ATP13A3: variants seen among roughly 807,000 people sequenced by gnomAD.
ATP13A3 encodes ATPase 13A3.
In ATP13A3, 59 loss-of-function variants were observed where a neutral mutation model predicts 158.1. That is an observed-to-expected ratio of 0.37 (90% CI 0.30 to 0.46). The LOEUF is 0.46. Among genes scored for constraint, ATP13A3 ranks in the 20% least tolerant of loss-of-function variants. ATP13A3 has a pLI of 1.00. For missense variants in ATP13A3, 1,166 were observed against 1,525.2 expected (o/e 0.76, Z 3.92); for synonymous variants, 491 against 504.3 (o/e 0.97, Z 0.35).
intron 25 of ATP13A3, 24 bp downstream of exon 25, chr3:194,430,243 ATAAAAC>A (rs1560082189): frequency 6.2e-7 from 1 of 1,613,528 alleles, no homozygotes; most frequent in South Asian, 1.1e-5. Context: ...AGTAAGAACT[ATAAAAC>A]TAAATCACAA....
At chr3:194,423,483 A>G (rs1716537416) in intron 30 of ATP13A3, among the ~76,000 whole-genome samples, 1 of 152,214 alleles carries the variant, frequency 6.6e-6, no homozygotes, top group Admixed American at 6.5e-5. Flanking sequence ...GCATGGATCC[A>G]GTGACACACA....
At chr3:194,453,875 C>T (rs1205508970) in intron 9 of ATP13A3, 97 bp from the exon 10 acceptor site, 1 of 806,920 alleles carries the variant, frequency 1.2e-6, no homozygotes. Context: ...TCAATAAATG[C>T]ATATCACTCC....
chr3:194,472,898 A>G (rs1278290281), intron 2 of ATP13A3, among the ~76,000 whole-genome samples: 1 of 152,224 alleles, frequency 6.6e-6, no homozygotes, highest in Non-Finnish European at 1.5e-5. Context: ...ATTAATGCAG[A>G]AACAGAAAAC....
chr3:194,446,944 G>C lies in ATP13A3; in HGVS notation c.1480C>G (p.Leu494Val), dbSNP rs1482103773. ...GAACCCACCTTGTCAAAGCAAACAA[G>C]ATTGAGCTGTCCACAAATATTTATT... ...QRINICGQLN[L>V]VCFDKTGTLT... Residue 494 changes from leucine (L) to valine (V), a missense_variant, in exon 14 of 34, where the codon CTT (leucine) becomes GTT (valine). This residue lies in a region of ATP13A3 where 997 missense variants were observed against 1,341.2 expected (regional missense o/e 0.74). Coordinates refer to ENST00000645319, the MANE Select transcript of ATP13A3 (RefSeq NM_001367549.1). The C allele has an allele frequency of 1.9e-6, 3 of 1,610,140 alleles. No homozygotes were observed. The highest frequency in any genetic ancestry group is 2.5e-6 in the Non-Finnish European group (3 of 1,179,286).
chr3:194,462,897 TTTATA>T (rs1719757154), intron 2 of ATP13A3, among the ~76,000 whole-genome samples: 1 of 152,216 alleles, frequency 6.6e-6, no homozygotes, highest in Non-Finnish European at 1.5e-5. Context: ...TACAGGACAA[TTTATA>T]TTGAGAGGAA....
rs1488572532 is a variant in ATP13A3 at position 194,425,538 on chromosome 3, C to A, written c.3126-9G>T. On this transcript the variant is annotated splice_polypyrimidine_tract_variant and intron_variant, in intron 29 of 33. Coordinates refer to ENST00000645319, the MANE Select transcript of ATP13A3 (RefSeq NM_001367549.1). ...CTGTTGTATTACAAGCACTAGAACA[C>A]ATGCAAAAAATGTCTGCATTAGTAA... 12 of 1,587,696 alleles carry A rather than the reference C, an allele frequency of 7.6e-6. No individual in the cohort carries two copies. The highest frequency in any genetic ancestry group is 5.6e-5 in the Admixed American group (3 of 53,250).
chr3:194,450,322 C>A, intron 10 of ATP13A3, 46 bp from the exon 11 acceptor site: 1 of 1,556,118 alleles, frequency 6.4e-7, no homozygotes, highest in Non-Finnish European at 8.8e-7. Flanking sequence ...ATATTCTTTA[C>A]CTTGGAAAAA....
At chr3:194,410,321 A>AAC (rs1560066757) in intron 33 of ATP13A3, among the ~76,000 whole-genome samples, 8 of 119,114 alleles carry the variant, frequency 6.7e-5, no homozygotes, top group African/African-American at 2.9e-4. Context: ...AAAAAAAAAA[A>AAC]AAAAAAAAAA....
Position 194,465,701 on chromosome 3 carries a change from C to T in ATP13A3, c.-46-3465G>A, listed in dbSNP as rs1020247898. Among the ~76,000 whole-genome samples, 3 of 152,114 alleles carry T rather than the reference C, an allele frequency of 2.0e-5. No homozygotes were observed. The East Asian group carries it at 5.8e-4, about 29-fold the overall frequency. On this transcript the variant is annotated intron_variant, in intron 2 of 33. Transcript: ENST00000645319. ...GTAAATAAATCTAGGCGCAGGCTCA[C>T]GTTTGTAATCCCAGCTCTTTGGGAG... is the stretch of plus-strand genomic sequence containing the variant.
intron 31 of ATP13A3, among the ~76,000 whole-genome samples, chr3:194,418,164 G>C (rs533819994): frequency 6.6e-6 from 1 of 152,170 alleles, no homozygotes; most frequent in African/African-American, 2.4e-5. Context: ...AAAAGAAAAA[G>C]AAATTTGATC....
intron 2 of ATP13A3, among the ~76,000 whole-genome samples, chr3:194,475,480 ATTTGG>A (rs1478869338): frequency 1.3e-5 from 2 of 152,186 alleles, no homozygotes; most frequent in Non-Finnish European, 2.9e-5. Flanking sequence ...AGTTACATGA[ATTTGG>A]GTTTTTCTAC....
At chr3:194,459,640 G>C in intron 5 of ATP13A3, 99 bp from the exon 6 acceptor site, 4 of 1,092,804 alleles carry the variant, frequency 3.7e-6, no homozygotes, top group African/African-American at 1.6e-5. Flanking sequence ...ATTATATATA[G>C]CATTATATAT....
chr3:194,476,264 A>G (rs529635082), intron 2 of ATP13A3, among the ~76,000 whole-genome samples: 13 of 151,998 alleles, frequency 8.6e-5, no homozygotes, highest in Non-Finnish European at 1.8e-4. Flanking sequence ...CTTTGTAACA[A>G]TCTCATCAGG....
At chr3:194,444,110 A>C (rs761492013) in intron 15 of ATP13A3, among the ~76,000 whole-genome samples, 3 of 152,242 alleles carry the variant, frequency 2.0e-5, no homozygotes, top group Non-Finnish European at 2.9e-5. Context: ...ACCCACTGAG[A>C]GAGAAAGCAT....
Position 194,448,733 on chromosome 3 carries a change from A to ATTGT in ATP13A3, c.971-98_971-97insACAA. 8.5e-7 allele frequency: 1 copy of ATTGT among 1,172,552 alleles called. No homozygotes were observed. The highest frequency in any genetic ancestry group is 2.5e-5 in the East Asian group (1 of 39,336). 72.6% of individuals were successfully genotyped at this position (1,172,552 alleles called of 1,614,324 possible). A position where few individuals can be genotyped will look rare whatever the true frequency, so the allele number is the denominator to read the frequency against. Reference sequence around the variant, plus strand: ...ACACCAAAAAATATTAAATTGTTAAATATTTTAAATGCTACCATACTGTTT... The same window carrying ATTGT: ...ACACCAAAAAATATTAAATTGTTAAATTGTTATTTTAAATGCTACCATACTGTTT... On this transcript the variant is annotated intron_variant, in intron 11 of 33. Coordinates refer to ENST00000645319, the MANE Select transcript of ATP13A3 (RefSeq NM_001367549.1). The surrounding 1 kb of genome is among the most constrained non-coding windows in gnomAD (Gnocchi z 4.0).
Position 194,429,787 on chromosome 3 carries a change from A to G in ATP13A3, c.2778-13T>C, listed in dbSNP as rs1177566188. 6.2e-6 allele frequency: 10 copies of G among 1,607,502 alleles called. No individual in the cohort carries two copies. The highest frequency in any genetic ancestry group is 1.3e-5 in the African/African-American group (1 of 74,684). On this transcript the variant is annotated splice_polypyrimidine_tract_variant and intron_variant, in intron 26 of 33. Transcript: ENST00000645319. ...AGCACGGCCTTCCCTGTGAAAAGAA[A>G]TCAAATGTCGGCATATGAATAGAAG...
intron 30 of ATP13A3, among the ~76,000 whole-genome samples, chr3:194,421,943 G>GAAAAAAAAAAAAAA (rs1400737766): frequency 1.4e-5 from 1 of 69,144 alleles, no homozygotes; most frequent in South Asian, 5.1e-4. Context: ...TGTGTCGTTG[G>GAAAAAAAAAAAAAA]CAAAAAAAAA....
chr3:194,447,799 G>T, intron 13 of ATP13A3, 53 bp downstream of exon 13: 1 of 1,450,424 alleles, frequency 6.9e-7, no homozygotes, highest in Non-Finnish European at 9.5e-7. Context: ...CTCAATAGCT[G>T]CATATGATAA....
At chr3:194,436,285 G>A (rs772972886) in intron 20 of ATP13A3, among the ~76,000 whole-genome samples, 62 of 152,176 alleles carry the variant, frequency 4.1e-4, no homozygotes, top group Non-Finnish European at 8.4e-4. Context: ...GTCTGTATCA[G>A]TTACAGTCAA....
Sources: allele counts gnomAD v4.1 joint callset (sites outside exome capture counted in the v4.1 genomes callset), GRCh38; gene constraint gnomAD v4.1.1; regional missense constraint gnomAD v4.1.1; non-coding constraint Gnocchi (gnomAD v3.1); transcripts MANE v1.5; gene names NCBI Gene and HGNC (gene_info 2026-07-23, HGNC 2026-07-21).